Variants in BIRC6 observed in about 807,000 individuals in gnomAD.
BIRC6 encodes the protein dual E2 ubiquitin-conjugating enzyme/E3 ubiquitin-protein ligase BIRC6.
BIRC6 carries 98 observed loss-of-function variants against 503.3 expected under a neutral mutation model. That is an observed-to-expected ratio of 0.19 (90% CI 0.17 to 0.23). The LOEUF is 0.23. Among genes scored for constraint, BIRC6 ranks in the 10% least tolerant of loss-of-function variants. BIRC6 has a pLI of 1.00. For missense variants in BIRC6, 5,360 were observed against 5,806.0 expected, an observed-to-expected ratio of 0.92 and a Z score of 2.50; for synonymous variants, 2,240 against 2,078.7, an observed-to-expected ratio of 1.08 and a Z score of -2.11.
At chr2:32,405,619 T>A (rs1348786170) in intron 8 of BIRC6, among the ~76,000 whole-genome samples, 3 of 152,178 alleles carry the variant, frequency 2.0e-5, no homozygotes, top group African/African-American at 7.2e-5. Flanking sequence ...AGACTTTGTC[T>A]TGTCTTGATG....
chr2:32,581,005 G>A (rs1326083947), intron 66 of BIRC6, among the ~76,000 whole-genome samples: 6 of 152,126 alleles, frequency 3.9e-5, no homozygotes, highest in African/African-American at 7.2e-5. Flanking sequence ...TCTCATATAC[G>A]AATCCGACGT....
intron 65 of BIRC6, among the ~76,000 whole-genome samples, chr2:32,570,925 G>A (rs1393022220): frequency 1.3e-5 from 2 of 152,106 alleles, no homozygotes; most frequent in African/African-American, 4.8e-5. Flanking sequence ...AGCCTCCCAA[G>A]TAGCTGGGAA....
chr2:32,410,705 T>C (rs1389751850), intron 9 of BIRC6, among the ~76,000 whole-genome samples: 1 of 138,972 alleles, frequency 7.2e-6, no homozygotes, highest in Non-Finnish European at 1.5e-5. Context: ...GGGCAACTTC[T>C]TTTTTTTTTT....
intron 34 of BIRC6, among the ~76,000 whole-genome samples, chr2:32,476,583 GATAGTGGAATGT>G: frequency 6.6e-6 from 1 of 152,142 alleles, no homozygotes; most frequent in Non-Finnish European, 1.5e-5. Context: ...GAAGATAAAG[GATAGTGGAATGT>G]ATAGTTTTGC....
Position 32,357,564 on chromosome 2 carries a change from G to C in BIRC6, c.325+78G>C, listed in dbSNP as rs929643766. 1.4e-5 allele frequency: 21 copies of C among 1,501,356 alleles called. No homozygotes were observed. Among genetic ancestry groups the C allele is most frequent in the African/African-American group, 2.9e-5 (2 of 68,658 alleles). The allele number at this position is 1,501,356 out of a possible 1,614,324, so 93.0% of individuals were successfully genotyped here. ...GCCCCGGGGCTCGGCCTCGCGACTC[G>C]GGGAAGCGAGATGGCGAGAGGGCAG... On this transcript the variant is annotated intron_variant, in intron 1 of 73. Transcript: ENST00000421745. This position sits in a 1 kb window ranked among gnomAD's most constrained non-coding sequence, Gnocchi z 4.9.
chr2:32,518,190 C>T (rs558113865), intron 55 of BIRC6, 64 bp from the exon 56 acceptor site: 3 of 1,421,266 alleles, frequency 2.1e-6, no homozygotes, highest in South Asian at 2.5e-5. Flanking sequence ...TCCTTTTTAT[C>T]TTTCAAAATA....
Position 32,357,104 on chromosome 2 carries a change from C to A in BIRC6, c.-58C>A. On this transcript the variant is annotated 5_prime_UTR_variant, in exon 1 of 74. Transcript: ENST00000421745. The surrounding 1 kb of genome is among the most constrained non-coding windows in gnomAD (Gnocchi z 4.9). ...GGCCGGGCGATCGACGTTCCGCGTG[C>A]GTGCGGGCGCCTGACTTCACTTCCG... 2 of 1,371,014 alleles carry A rather than the reference C, an allele frequency of 1.5e-6. No homozygotes were observed. Among genetic ancestry groups the A allele is most frequent in the Admixed American group, 3.3e-5 (1 of 30,442 alleles). The allele number at this position is 1,371,014 out of a possible 1,614,324, so 84.9% of individuals were successfully genotyped here.
At chr2:32,381,446 G>C (rs181359191) in intron 3 of BIRC6, among the ~76,000 whole-genome samples, 1 of 151,638 alleles carries the variant, frequency 6.6e-6, no homozygotes, top group African/African-American at 2.4e-5. Context: ...CGCCATGTTG[G>C]TCAGGCAGGT....
At chr2:32,582,765 CA>C (rs1218386663) in intron 66 of BIRC6, among the ~76,000 whole-genome samples, 1 of 151,936 alleles carries the variant, frequency 6.6e-6, no homozygotes, top group Admixed American at 6.6e-5. Flanking sequence ...CAAAAACAAA[CA>C]AACAAACAAA....
intron 72 of BIRC6, among the ~76,000 whole-genome samples, chr2:32,608,988 T>C (rs1396886061): frequency 6.6e-6 from 1 of 152,124 alleles, no homozygotes; most frequent in East Asian, 1.9e-4. Context: ...CAAGTGATTC[T>C]CATGCCTCAG....
chr2:32,388,191 C>A (rs543387453), intron 3 of BIRC6, among the ~76,000 whole-genome samples: 1 of 151,700 alleles, frequency 6.6e-6, no homozygotes, highest in East Asian at 1.9e-4. Flanking sequence ...TCAGCCTGAC[C>A]AACCTGATGA....
At chr2:32,601,083 C>T (rs758601445) in intron 70 of BIRC6, among the ~76,000 whole-genome samples, 6 of 152,168 alleles carry the variant, frequency 3.9e-5, no homozygotes, top group African/African-American at 1.2e-4. Flanking sequence ...CATCCTGGGC[C>T]GCATGTGGCC....
chr2:32,372,316 T>C (rs2036102316), intron 1 of BIRC6, among the ~76,000 whole-genome samples: 1 of 152,130 alleles, frequency 6.6e-6, no homozygotes, highest in Non-Finnish European at 1.5e-5. Flanking sequence ...TTACCACTAA[T>C]CTTTTGGGAC....
intron 48 of BIRC6, 68 bp from the exon 49 acceptor site, chr2:32,502,973 GA>G: frequency 6.6e-7 from 1 of 1,515,432 alleles, no homozygotes; most frequent in Non-Finnish European, 9.0e-7. Flanking sequence ...GTCTTTTGTG[GA>G]AGTTTACTTT....
Position 32,471,094 on chromosome 2 carries a change from G to A in BIRC6, c.6562G>A (p.Glu2188Lys). Residue 2188 changes from glutamate (E) to lysine (K), a missense_variant, in exon 32 of 74, where the codon GAA becomes AAA. By Grantham distance (56) the Glu-to-Lys change is moderately conservative. Transcript: ENST00000421745. ...LLDYVATVED[E>K]AAAAKKPLNG... ...GGATTATGTGGCAACTGTTGAAGATGAAGCAGCAGCTGCAAAGAAACCTTT... is the reference window on the plus strand; with the variant it reads ...GGATTATGTGGCAACTGTTGAAGATAAAGCAGCAGCTGCAAAGAAACCTTT... 6.3e-7 allele frequency: 1 copy of A among 1,579,348 alleles called. No homozygotes were observed. Among genetic ancestry groups the A allele is most frequent in the Non-Finnish European group, 8.6e-7 (1 of 1,160,488 alleles).
chr2:32,602,838 T>G lies in BIRC6; in HGVS notation c.13993-168T>G, dbSNP rs2062157439. The G allele has an allele frequency of 8.0e-6, 4 of 500,046 alleles. No individual in the cohort carries two copies. In the East Asian group the frequency reaches 1.3e-4, roughly 16 times the overall value. The allele number at this position is 500,046 out of a possible 1,614,324, so 31.0% of individuals were successfully genotyped here. On this transcript the variant is annotated intron_variant, in intron 70 of 73. Transcript: ENST00000421745. ...TAATGCCTCACAAATTTGAATCACA[T>G]CTGAAGATGCCAATTTGTTTTAACA...
At chr2:32,504,438 C>G (rs1308240121) in intron 49 of BIRC6, among the ~76,000 whole-genome samples, 2 of 151,604 alleles carry the variant, frequency 1.3e-5, no homozygotes, top group South Asian at 4.2e-4. Flanking sequence ...GTGGCCGAGG[C>G]GGGTGGATCA....
At chr2:32,466,818 T>G (rs1019386656) in intron 26 of BIRC6, among the ~76,000 whole-genome samples, 13 of 152,298 alleles carry the variant, frequency 8.5e-5, no homozygotes, top group South Asian at 2.1e-4. Context: ...TTTTGGTTTT[T>G]GTTTTTTAAA....
intron 59 of BIRC6, 90 bp downstream of exon 59, chr2:32,525,718 T>A: frequency 7.7e-7 from 1 of 1,304,248 alleles, no homozygotes; most frequent in Non-Finnish European, 1.1e-6. Flanking sequence ...ATCATTTTAA[T>A]CAGGTGCCAT....
Sources: gnomAD v4.1 joint callset for allele counts (sites outside exome capture counted in the v4.1 genomes callset) on GRCh38, gnomAD v4.1.1 for gene constraint, Gnocchi (gnomAD v3.1) non-coding constraint, MANE v1.5 for transcripts, NCBI Gene and HGNC (gene_info 2026-07-23, HGNC 2026-07-21) for gene names.